NUDC: variants seen among roughly 807,000 people sequenced by gnomAD.
The protein encoded by NUDC is nuclear distribution C, dynein complex regulator.
Under a neutral mutation model 45.0 loss-of-function variants are expected in NUDC, and 14 were observed. That is an observed-to-expected ratio of 0.31 (90% CI 0.21 to 0.49). The LOEUF is 0.49. Ranked by LOEUF, NUDC falls within the 20% of genes least tolerant of loss-of-function variation. The probability of loss-of-function intolerance (pLI) is 0.99; values close to 1 mark genes in which losing one functional copy is unlikely to be tolerated. For missense variants in NUDC, 323 were observed against 426.2 expected (o/e 0.76, Z 2.13); for synonymous variants, 153 against 156.7 (o/e 0.98, Z 0.17).
At chr1:26,921,985 C>T (rs1570721766) in intron 1 of NUDC, 56 bp downstream of exon 1, 1 of 1,512,312 alleles carries the variant, frequency 6.6e-7, no homozygotes, top group African/African-American at 1.4e-5. Context: ...CTCCTTCCGC[C>T]CTTCTCTGCC....
Position 26,946,403 on chromosome 1 carries a change from G to C in NUDC, c.*222G>C, listed in dbSNP as rs1313579750. 3.5e-6 allele frequency: 2 copies of C among 578,548 alleles called. No homozygotes were observed. Among genetic ancestry groups the C allele is most frequent in the Non-Finnish European group, 6.2e-6 (2 of 321,022 alleles). The allele number at this position is 578,548 out of a possible 1,614,324, so 35.8% of individuals were successfully genotyped here. A position where few individuals can be genotyped will look rare whatever the true frequency, so the allele number is the denominator to read the frequency against. On this transcript the variant is annotated 3_prime_UTR_variant, in exon 9 of 9. Transcript: ENST00000321265. Reference sequence around the variant, plus strand: ...TAAAACGATTTGCCCAGCTCCTTCTGTGTCCTCTCTTGCCTCTGGCCTTTC... The same window carrying C: ...TAAAACGATTTGCCCAGCTCCTTCTCTGTCCTCTCTTGCCTCTGGCCTTTC...
chr1:26,923,808 C>T (rs1440292801), intron 1 of NUDC, among the ~76,000 whole-genome samples: 2 of 152,100 alleles, frequency 1.3e-5, no homozygotes, highest in Non-Finnish European at 2.9e-5. Flanking sequence ...TGGGCCCAGG[C>T]TTTTCATGCC....
intron 2 of NUDC, among the ~76,000 whole-genome samples, chr1:26,924,924 A>G (rs906762212): frequency 3.8e-4 from 58 of 151,422 alleles, no homozygotes; most frequent in African/African-American, 1.3e-3. Context: ...TCTGTTGCGC[A>G]GGCTGGAGTG....
chr1:26,945,080 C>T, intron 6 of NUDC: 1 of 440,728 alleles, frequency 2.3e-6, no homozygotes, highest in East Asian at 4.1e-5. Flanking sequence ...CATTTTAAAT[C>T]TGGAATACTG....
intron 2 of NUDC, among the ~76,000 whole-genome samples, chr1:26,936,885 T>C (rs527827051): frequency 1.4e-4 from 21 of 152,222 alleles, no homozygotes; most frequent in African/African-American, 4.8e-4. Context: ...TACAATTCAA[T>C]TGAATTCTGA....
rs374079222 is a variant in NUDC at position 26,925,773 on chromosome 1, G to C, written c.159+1607G>C. ...GTTTCACTCTGTTGCCCAGGCTGCA[G>C]TGCAATGGCACGATCTCAGCTCACC... On this transcript the variant is annotated intron_variant, in intron 2 of 8. Coordinates refer to ENST00000321265, the MANE Select transcript of NUDC (RefSeq NM_006600.4). 4.2e-5 allele frequency among the ~76,000 whole-genome samples: 6 copies of C among 143,494 alleles called. No homozygotes were observed. In the South Asian group the frequency reaches 6.5e-4, roughly 16 times the overall value. 94.1% of individuals were successfully genotyped at this position (143,494 alleles called of 152,430 possible).
rs541170070 is a variant in NUDC at position 26,908,817 on chromosome 1, C to T, written c.-15-2311C>T. ...AGTGCAGTGGTGCAATCTCGATTCA[C>T]TGCAACCTCTGCCACCTGGGTTCAA... On this transcript the variant is annotated intron_variant, in intron 2 of 6. Transcript: ENST00000435827. 3.3e-5 allele frequency among the ~76,000 whole-genome samples: 5 copies of T among 152,284 alleles called. No homozygotes were observed. The East Asian group carries it at 9.6e-4, about 29-fold the overall frequency.
Position 26,941,454 on chromosome 1 carries a change from C to G in NUDC, c.160-3C>G, listed in dbSNP as rs377605718. 34 of 1,613,366 alleles carry G rather than the reference C, an allele frequency of 2.1e-5. No homozygotes were observed. In the African/African-American group the frequency reaches 2.8e-4, roughly 13 times the overall value. On this transcript the variant is annotated splice_region_variant and splice_polypyrimidine_tract_variant and intron_variant, in intron 2 of 8. Coordinates refer to ENST00000321265, the MANE Select transcript of NUDC (RefSeq NM_006600.4). ...TGCCTCATGGCCTTTCTTCCCTCTCCAGCTTATCACACAGACTTTCAGCCA... is the reference window on the plus strand; with the variant it reads ...TGCCTCATGGCCTTTCTTCCCTCTCGAGCTTATCACACAGACTTTCAGCCA...
intron 1 of NUDC, among the ~76,000 whole-genome samples, chr1:26,923,036 G>A (rs1015653848): frequency 2.0e-5 from 3 of 152,166 alleles, no homozygotes; most frequent in Admixed American, 2.0e-4. Flanking sequence ...CCACTCTTGG[G>A]CAAATAAAGG....
At chr1:26,926,910 A>G (rs956216329) in intron 2 of NUDC, among the ~76,000 whole-genome samples, 13 of 152,042 alleles carry the variant, frequency 8.6e-5, no homozygotes, top group East Asian at 3.9e-4. Context: ...ACTTTTTTCA[A>G]TGAATGTTTA....
chr1:26,945,322 AG>A, intron 6 of NUDC, 67 bp from the exon 7 acceptor site: 1 of 1,324,774 alleles, frequency 7.5e-7, no homozygotes, highest in Non-Finnish European at 1.1e-6. Flanking sequence ...TGGTTGTGAA[AG>A]GGTTAAGGGG....
At chr1:26,934,637 A>G (rs2082211794) in intron 2 of NUDC, among the ~76,000 whole-genome samples, 1 of 150,994 alleles carries the variant, frequency 6.6e-6, no homozygotes, top group East Asian at 1.9e-4. Context: ...AATACCCAAG[A>G]CTGGGTAATT....
intron 2 of NUDC, among the ~76,000 whole-genome samples, chr1:26,934,546 C>T (rs1031961274): frequency 2.0e-5 from 3 of 152,156 alleles, no homozygotes; most frequent in Non-Finnish European, 2.9e-5. Flanking sequence ...AGTCTTAATT[C>T]ATTTCTGCAT....
chr1:26,902,798 C>T (rs913167028), intron 2 of NUDC, among the ~76,000 whole-genome samples: 1 of 151,972 alleles, frequency 6.6e-6, no homozygotes, highest in African/African-American at 2.4e-5. Context: ...CCTGTAATCC[C>T]AGCACTTTGG....
intron 2 of NUDC, among the ~76,000 whole-genome samples, chr1:26,933,700 C>G (rs551602960): frequency 1.3e-5 from 2 of 152,234 alleles, no homozygotes; most frequent in Admixed American, 1.3e-4. Context: ...AGGTTTGAGC[C>G]ACTGCATCCA....
At chr1:26,944,395 C>T (rs937067474) in intron 6 of NUDC, among the ~76,000 whole-genome samples, 3 of 151,988 alleles carry the variant, frequency 2.0e-5, no homozygotes, top group Non-Finnish European at 4.4e-5. Context: ...AAGACAGGGT[C>T]TCATGTTGCC....
chr1:26,913,907 G>T, intron 3 of NUDC: 1 of 1,485,352 alleles, frequency 6.7e-7, no homozygotes, highest in Non-Finnish European at 9.0e-7. Flanking sequence ...GCAGCTCCCT[G>T]GCATGGGCAG....
At chr1:26,935,263 G>T (rs983371690) in intron 2 of NUDC, among the ~76,000 whole-genome samples, 1 of 152,156 alleles carries the variant, frequency 6.6e-6, no homozygotes, top group African/African-American at 2.4e-5. Context: ...GATTACAGGC[G>T]TGAGCCACCG....
chr1:26,917,348 G>C (rs970873785), upstream of NUDC, among the ~76,000 whole-genome samples: 10 of 151,990 alleles, frequency 6.6e-5, no homozygotes, highest in African/African-American at 2.4e-4. Flanking sequence ...GATCACCTGA[G>C]GTCAGGAGTT....
Sources: allele counts gnomAD v4.1 joint callset (sites outside exome capture counted in the v4.1 genomes callset), GRCh38; gene constraint gnomAD v4.1.1; transcripts MANE v1.5; gene names NCBI Gene and HGNC (gene_info 2026-07-23, HGNC 2026-07-21).